The following KRTAP1-5 variants were observed in gnomAD, a reference collection of about 807,000 sequenced individuals.
KRTAP1-5 encodes keratin associated protein 1-5.
A neutral mutation model predicts 14.2 loss-of-function variants in KRTAP1-5; 10 were observed. The ratio of observed to expected loss-of-function variants is 0.70; its 90% CI spans 0.43 to 1.19. The LOEUF is 1.19. Ranked by LOEUF, KRTAP1-5 falls within the 50% of genes most tolerant of loss-of-function variation. KRTAP1-5 has a pLI of 0.00. For synonymous variants in KRTAP1-5, 107 were observed against 80.2 expected (o/e 1.33, Z -1.79); for missense variants, 234 against 223.5 (o/e 1.05, Z -0.30).
chr17:41,026,748 C>T lies in KRTAP1-5; in HGVS notation c.408G>A (p.Val136=). 6.2e-7 allele frequency: 1 copy of T among 1,613,212 alleles called. No homozygotes were observed. Among genetic ancestry groups the T allele is most frequent in the East Asian group, 2.2e-5 (1 of 44,878 alleles). Residue 136 remains valine (V), a synonymous_variant, in exon 1 of 1, where the codon GTG becomes GTA. Transcript: ENST00000361883. ...EGTYLPPCCV[V]SCTPPSCCQL... ...GGCAGCAGGATGGGGGCGTGCAGCTCACCACACAGCAGGGGGGTAGGTAGG... is the reference window on the plus strand; with the variant it reads ...GGCAGCAGGATGGGGGCGTGCAGCTTACCACACAGCAGGGGGGTAGGTAGG...
In KRTAP1-5 at chr17:41,026,726, A is replaced by T; in HGVS notation, c.430T>A (p.Cys144Ser). 6.2e-7 allele frequency: 1 copy of T among 1,613,824 alleles called. No homozygotes were observed. Among genetic ancestry groups the T allele is most frequent in the Non-Finnish European group, 8.5e-7 (1 of 1,180,030 alleles). ...CVVSCTPPSC[C>S]QLHHAQASCC... ...GAGGCCTGGGCATGGTGCAGTTGGC[A>T]GCAGGATGGGGGCGTGCAGCTCACC... The change falls in exon 1 of 1, where the codon TGC becomes AGC. Residue 144 changes from cysteine (C) to serine (S), a missense_variant. Cys to Ser is a moderately radical substitution (Grantham distance 112). Coordinates refer to ENST00000361883, the MANE Select transcript of KRTAP1-5 (RefSeq NM_031957.2).
chr17:41,026,548 T>C lies in KRTAP1-5; in HGVS notation c.*83A>G. 2 of 1,438,494 alleles carry C rather than the reference T, an allele frequency of 1.4e-6. No individual in the cohort carries two copies. The highest frequency in any genetic ancestry group is 1.9e-6 in the Non-Finnish European group (2 of 1,062,092). The allele number at this position is 1,438,494 out of a possible 1,614,324, so 89.1% of individuals were successfully genotyped here. On this transcript the variant is annotated 3_prime_UTR_variant, in exon 1 of 1. Coordinates refer to ENST00000361883, the MANE Select transcript of KRTAP1-5 (RefSeq NM_031957.2). ...CACAAGCAATGCAAAGTCTGAGAAC[T>C]TGTTAGTGGTCCAGAGGTGGTCAAG...
rs537901890 is a variant in KRTAP1-5, at chr17:41,026,821, A to G, written c.335T>C (p.Val112Ala). ...SYGQEGSSGA[V>A]STRIRWCRPD... ...GCGGCACCACCTGATACGGGTGCTC[A>G]CAGCTCCACTGCTGCCCTCCTGGCC... Residue 112 changes from valine (V) to alanine (A), a missense_variant, in exon 1 of 1, where the codon GTG (valine) becomes GCG (alanine). By Grantham distance (64) the Val-to-Ala change is moderately conservative. Transcript: ENST00000361883. 6.2e-7 allele frequency: 1 copy of G among 1,612,668 alleles called. No individual in the cohort carries two copies. The highest frequency in any genetic ancestry group is 8.5e-7 in the Non-Finnish European group (1 of 1,179,968).
chr17:41,026,847 A>G lies in KRTAP1-5; in HGVS notation c.309T>C (p.Tyr103=), dbSNP rs1215881854. 1 of 1,612,458 alleles carries G rather than the reference A, an allele frequency of 6.2e-7. No homozygotes were observed. Among genetic ancestry groups the G allele is most frequent in the Non-Finnish European group, 8.5e-7 (1 of 1,179,994 alleles). ...CAGCTCCACTGCTGCCCTCCTGGCC[A>G]TAGCTGATGCCACCACCAATGCCAC... The part of the protein sequence containing the change: ...TGCGIGGGIS[Y]GQEGSSGAVS... Residue 103 remains tyrosine (Y), a synonymous_variant, in exon 1 of 1, where the codon TAT becomes TAC. Coordinates refer to ENST00000361883, the MANE Select transcript of KRTAP1-5 (RefSeq NM_031957.2).
chr17:41,026,641 G>A lies in KRTAP1-5; in HGVS notation c.515C>T (p.Pro172Leu), dbSNP rs926233677. 5.6e-6 allele frequency: 9 copies of A among 1,598,654 alleles called. No homozygotes were observed. Among genetic ancestry groups the A allele is most frequent in the Non-Finnish European group, 6.8e-6 (8 of 1,170,090 alleles). Residue 172 changes from proline to leucine, a missense_variant, in exon 1 of 1, where the codon CCC becomes CTC. By Grantham distance (98) the Pro-to-Leu change is moderately conservative. Coordinates refer to ENST00000361883, the MANE Select transcript of KRTAP1-5 (RefSeq NM_031957.2). ...SCCRPVCCCE[P>L]TC The stretch of plus-strand genomic sequence containing the variant: ...TAAGCAAACTGGCTTTCAGCAAGTG[G>A]GCTCACAGCAGCAGACTGGGCGGCA...
chr17:41,026,913 G>C lies in KRTAP1-5; in HGVS notation c.243C>G (p.Cys81Trp). ...CQPSCCETSCCQPSCCQISSC... is the reference protein window; with the variant it reads ...CQPSCCETSCWQPSCCQISSC... ...AGCTGATCTGGCAGCAGCTTGGCTG[G>C]CAGCAGCTGGTCTCACAGCAGCTTG... Residue 81 changes from cysteine to tryptophan, a missense_variant, in exon 1 of 1, where the codon TGC becomes TGG. Physicochemically the swap from Cys to Trp is radical, Grantham distance 215. Coordinates refer to ENST00000361883, the MANE Select transcript of KRTAP1-5 (RefSeq NM_031957.2). 1.9e-6 allele frequency: 3 copies of C among 1,609,336 alleles called. No homozygotes were observed. The East Asian group carries it at 6.7e-5, about 36-fold the overall frequency.
Position 41,026,361 on chromosome 17 carries a change from A to C in KRTAP1-5, c.*270T>G, listed in dbSNP as rs1410105500. 2.3e-6 allele frequency: 1 copy of C among 438,518 alleles called. No individual in the cohort carries two copies. The highest frequency in any genetic ancestry group is 2.0e-5 in the African/African-American group (1 of 50,492). 27.2% of individuals were successfully genotyped at this position (438,518 alleles called of 1,614,324 possible). A position where few individuals can be genotyped will look rare whatever the true frequency, so the allele number is the denominator to read the frequency against. On this transcript the variant is annotated 3_prime_UTR_variant, in exon 1 of 1. Coordinates refer to ENST00000361883, the MANE Select transcript of KRTAP1-5 (RefSeq NM_031957.2). The stretch of plus-strand genomic sequence containing the variant: ...TGGATAAATTCCACAACATGTCAGT[A>C]ATTTTTAATCCTGCAGAAATATCAG...
chr17:41,026,852 T>C lies in KRTAP1-5; in HGVS notation c.304A>G (p.Ser102Gly), dbSNP rs201738768. Residue 102 changes from serine (S) to glycine (G), a missense_variant, in exon 1 of 1, where the codon AGC (serine) becomes GGC (glycine). By Grantham distance (56) the Ser-to-Gly change is moderately conservative. Transcript: ENST00000361883. Reference sequence around the variant, plus strand: ...CCACTGCTGCCCTCCTGGCCATAGCTGATGCCACCACCAATGCCACAGCCA... The same window carrying C: ...CCACTGCTGCCCTCCTGGCCATAGCCGATGCCACCACCAATGCCACAGCCA... The part of the protein sequence containing the change: ...GTGCGIGGGI[S>G]YGQEGSSGAV... 1,606 of 1,612,208 alleles carry C rather than the reference T, an allele frequency of 1.0e-3. 1 individual carries two copies. Among genetic ancestry groups the C allele is most frequent in the Non-Finnish European group, 1.3e-3 (1,497 of 1,179,870 alleles).
At position 41,027,151 on chromosome 17, in the gene KRTAP1-5, G is replaced by A. The variant is rs768058657; in HGVS notation, c.5C>T (p.Thr2Ile). Residue 2 changes from threonine to isoleucine, a missense_variant, in exon 1 of 1, where the codon ACC becomes ATC. Physicochemically the swap from Thr to Ile is moderately conservative, Grantham distance 89. Coordinates refer to ENST00000361883, the MANE Select transcript of KRTAP1-5 (RefSeq NM_031957.2). M[T>I]CCQTSFCGYP... ...TCCACAGAAGCTGGTCTGGCAGCAG[G>A]TCATGGTGTCAGAAGTTGGGTTAAG... The A allele has an allele frequency of 1.9e-6, 3 of 1,613,976 alleles. No homozygotes were observed. The highest frequency in any genetic ancestry group is 1.3e-5 in the African/African-American group (1 of 74,954).
rs1234098669 is a variant in KRTAP1-5, at chr17:41,026,860, C to T, written c.296G>A (p.Gly99Asp). The T allele has an allele frequency of 6.2e-7, 1 of 1,612,622 alleles. No individual in the cohort carries two copies. Among genetic ancestry groups the T allele is most frequent in the Non-Finnish European group, 8.5e-7 (1 of 1,179,980 alleles). The change falls in exon 1 of 1, where the codon GGT (glycine) becomes GAT (aspartate). Residue 99 changes from glycine (G) to aspartate (D), a missense_variant. By Grantham distance (94) the Gly-to-Asp change is moderately conservative. Transcript: ENST00000361883. ...SSCGTGCGIG[G>D]GISYGQEGSS... ...GCCCTCCTGGCCATAGCTGATGCCA[C>T]CACCAATGCCACAGCCAGTTCCGCA...
rs1271874754 is a variant in KRTAP1-5 at position 41,026,424 on chromosome 17, G to A, written c.*207C>T. On this transcript the variant is annotated 3_prime_UTR_variant, in exon 1 of 1. Coordinates refer to ENST00000361883, the MANE Select transcript of KRTAP1-5 (RefSeq NM_031957.2). ...CCAAGCAAATTGATGATCAGCAGGT[G>A]GCTTTGTAGCATTTCTGTGTCCCCA... 1.8e-6 allele frequency: 1 copy of A among 541,640 alleles called. No homozygotes were observed. Among genetic ancestry groups the A allele is most frequent in the African/African-American group, 1.9e-5 (1 of 53,158 alleles). 33.6% of individuals were successfully genotyped at this position (541,640 alleles called of 1,614,324 possible).
Position 41,026,531 on chromosome 17 carries a change from A to T in KRTAP1-5, c.*100T>A. The stretch of plus-strand genomic sequence containing the variant: ...TACTTAGTAGTCTCCATCACAAGCA[A>T]TGCAAAGTCTGAGAACTTGTTAGTG... On this transcript the variant is annotated 3_prime_UTR_variant, in exon 1 of 1. Coordinates refer to ENST00000361883, the MANE Select transcript of KRTAP1-5 (RefSeq NM_031957.2). The T allele has an allele frequency of 1.5e-6, 2 of 1,306,706 alleles. No homozygotes were observed. Among genetic ancestry groups the T allele is most frequent in the South Asian group, 2.8e-5 (2 of 70,446 alleles). The allele number at this position is 1,306,706 out of a possible 1,614,324, so 80.9% of individuals were successfully genotyped here.
Position 41,026,211 on chromosome 17 carries a change from C to G in KRTAP1-5, c.*420G>C, listed in dbSNP as rs1472938785. On this transcript the variant is annotated 3_prime_UTR_variant, in exon 1 of 1. Transcript: ENST00000361883. ...ATGTTGGGTGATGAGCTTCCATTCT[C>G]TCTGGTGACTTGAGGAATGTCACTT... is the stretch of plus-strand genomic sequence containing the variant. The G allele has an allele frequency of 5.9e-6, 1 of 169,140 alleles. No individual in the cohort carries two copies. Among genetic ancestry groups the G allele is most frequent in the African/African-American group, 2.4e-5 (1 of 41,970 alleles). The allele number at this position is 169,140 out of a possible 1,614,324, so 10.5% of individuals were successfully genotyped here. A position where few individuals can be genotyped will look rare whatever the true frequency, so the allele number is the denominator to read the frequency against.
At position 41,027,036 on chromosome 17, in the gene KRTAP1-5, G is replaced by A. The variant is rs1567892264; in HGVS notation, c.120C>T (p.Cys40=). 1 of 1,607,870 alleles carries A rather than the reference G, an allele frequency of 6.2e-7. No homozygotes were observed. Among genetic ancestry groups the A allele is most frequent in the Non-Finnish European group, 8.5e-7 (1 of 1,178,674 alleles). ...CETSCCQPRS[C]QTSFCGFPSF... ...TGGGAAATCCGCAGAAGCTAGTCTG[G>A]CAGCTGCGTGGCTGGCAGCAGCTGG... The change falls in exon 1 of 1, where the codon TGC becomes TGT. Residue 40 remains cysteine, a synonymous_variant. Transcript: ENST00000361883.
At position 41,027,070 on chromosome 17, in the gene KRTAP1-5, C is replaced by A. The variant is rs1459147667; in HGVS notation, c.86G>T (p.Cys29Phe). Residue 29 changes from cysteine to phenylalanine, a missense_variant, in exon 1 of 1, where the codon TGC becomes TTC. Physicochemically the swap from Cys to Phe is radical, Grantham distance 205. Transcript: ENST00000361883. ...TGGCTGGCAGCAGCTGGTCTCACAG[C>A]AGCTTGGCTGGCAGCAGCTGGAGCC... ...TCGSSCCQPS[C>F]CETSCCQPRS... 6.2e-7 allele frequency: 1 copy of A among 1,613,686 alleles called. No individual in the cohort carries two copies. Among genetic ancestry groups the A allele is most frequent in the South Asian group, 1.1e-5 (1 of 90,886 alleles).
Position 41,026,721 on chromosome 17 carries a change from T to G in KRTAP1-5, c.435A>C (p.Gln145His), listed in dbSNP as rs774069369. The change falls in exon 1 of 1, where the codon CAA (glutamine) becomes CAC (histidine). Residue 145 changes from glutamine to histidine, a missense_variant. Coordinates refer to ENST00000361883, the MANE Select transcript of KRTAP1-5 (RefSeq NM_031957.2). The part of the protein sequence containing the change: ...VVSCTPPSCC[Q>H]LHHAQASCCR... ...AGCAGGAGGCCTGGGCATGGTGCAG[T>G]TGGCAGCAGGATGGGGGCGTGCAGC... The G allele has an allele frequency of 1.9e-6, 3 of 1,613,580 alleles. No individual in the cohort carries two copies. The highest frequency in any genetic ancestry group is 2.2e-5 in the East Asian group (1 of 44,880).
rs143325533 is a variant in KRTAP1-5 at position 41,026,738 on chromosome 17, G to A, written c.418C>T (p.Pro140Ser). The A allele has an allele frequency of 8.1e-6, 13 of 1,613,666 alleles. No homozygotes were observed. Among genetic ancestry groups the A allele is most frequent in the African/African-American group, 1.3e-5 (1 of 75,016 alleles). ...TGGTGCAGTTGGCAGCAGGATGGGG[G>A]CGTGCAGCTCACCACACAGCAGGGG... The part of the protein sequence containing the change: ...LPPCCVVSCT[P>S]PSCCQLHHAQ... The change falls in exon 1 of 1, where the codon CCC becomes TCC. Residue 140 changes from proline to serine, a missense_variant. Transcript: ENST00000361883.
Position 41,027,148 on chromosome 17 carries a change from C to T in KRTAP1-5, c.8G>A (p.Cys3Tyr), listed in dbSNP as rs368276181. Residue 3 changes from cysteine (C) to tyrosine (Y), a missense_variant, in exon 1 of 1, where the codon TGC (cysteine) becomes TAC (tyrosine). Physicochemically the swap from Cys to Tyr is radical, Grantham distance 194. Transcript: ENST00000361883. Reference sequence around the variant, plus strand: ...ATATCCACAGAAGCTGGTCTGGCAGCAGGTCATGGTGTCAGAAGTTGGGTT... The same window carrying T: ...ATATCCACAGAAGCTGGTCTGGCAGTAGGTCATGGTGTCAGAAGTTGGGTT... The part of the protein sequence containing the change: MT[C>Y]CQTSFCGYPS... 16 of 1,614,104 alleles carry T rather than the reference C, an allele frequency of 9.9e-6. No homozygotes were observed. The highest frequency in any genetic ancestry group is 2.2e-5 in the East Asian group (1 of 44,856).
At position 41,027,106 on chromosome 17, in the gene KRTAP1-5, C is replaced by T. The variant is rs1203095991; in HGVS notation, c.50G>A (p.Ser17Asn). ...SFCGYPSFSI[S>N]GTCGSSCCQP... ...GCAGCAGCTGGAGCCACAGGTCCCA[C>T]TGATGGAGAAGCTGGGATATCCACA... Residue 17 changes from serine (S) to asparagine (N), a missense_variant, in exon 1 of 1, where the codon AGT becomes AAT. By Grantham distance (46) the Ser-to-Asn change is conservative. Coordinates refer to ENST00000361883, the MANE Select transcript of KRTAP1-5 (RefSeq NM_031957.2). 1 of 1,614,092 alleles carries T rather than the reference C, an allele frequency of 6.2e-7. No individual in the cohort carries two copies. The highest frequency in any genetic ancestry group is 8.5e-7 in the Non-Finnish European group (1 of 1,180,046).
Sources: allele counts gnomAD v4.1 joint callset, GRCh38; gene constraint gnomAD v4.1.1; transcripts MANE v1.5; gene names NCBI Gene and HGNC (gene_info 2026-07-23, HGNC 2026-07-21).